Variants in QKI observed in about 807,000 individuals in gnomAD.
QKI encodes the protein KH domain-containing RNA-binding protein QKI.
A neutral mutation model predicts 39.0 loss-of-function variants in QKI; 10 were observed. The ratio of observed to expected loss-of-function variants is 0.26; its 90% CI spans 0.16 to 0.43. QKI has a LOEUF of 0.43. Among genes scored for constraint, QKI ranks in the 20% least tolerant of loss-of-function variants. The probability of loss-of-function intolerance (pLI) is 1.00; values close to 1 mark genes in which losing one functional copy is unlikely to be tolerated. For synonymous variants in QKI, 204 were observed against 155.4 expected, an observed-to-expected ratio of 1.31 and a Z score of -2.33; for missense variants, 218 against 428.0, an observed-to-expected ratio of 0.51 and a Z score of 4.33.
rs73784432 is a variant in QKI, at chr6:163,501,531, C to T, written c.402+22635C>T. Among the ~76,000 whole-genome samples, 540 of 152,238 alleles carry T rather than the reference C, an allele frequency of 3.5e-3. 4 individuals are homozygous for T. Among genetic ancestry groups the T allele is most frequent in the African/African-American group, 0.012 (484 of 41,554 alleles). On this transcript the variant is annotated intron_variant, in intron 3 of 7. Transcript: ENST00000361752. ...ATCTTACGGGGAGGAGGGAGAACCC[C>T]GTTCCATGCAAGCTAGCCTGAATAT...
intron 3 of QKI, among the ~76,000 whole-genome samples, chr6:163,523,227 G>T (rs527939501): frequency 1.3e-5 from 2 of 152,200 alleles, no homozygotes; most frequent in African/African-American, 2.4e-5. Flanking sequence ...CTCTCTTTCA[G>T]TGTTGCCTGA....
At chr6:163,441,413 C>T (rs572009718) in intron 1 of QKI, among the ~76,000 whole-genome samples, 15 of 152,204 alleles carry the variant, frequency 9.9e-5, no homozygotes, top group African/African-American at 3.1e-4. Context: ...TGGAGCTTTG[C>T]GTGTTTTTGT....
In QKI at chr6:163,512,827, A is replaced by G. The variant is rs1779564180; in HGVS notation, c.403-22155A>G. 2.6e-5 allele frequency among the ~76,000 whole-genome samples: 4 copies of G among 152,170 alleles called. No individual in the cohort carries two copies. The South Asian group carries it at 8.3e-4, about 32-fold the overall frequency. ...TCATAGTGGAATCGAGCTGGAAATTAAAAACTAAGAGTTGGCCATAAAGGA... is the reference window on the plus strand; with the variant it reads ...TCATAGTGGAATCGAGCTGGAAATTGAAAACTAAGAGTTGGCCATAAAGGA... On this transcript the variant is annotated intron_variant, in intron 3 of 7. Coordinates refer to ENST00000361752, the MANE Select transcript of QKI (RefSeq NM_006775.3).
rs942136050 is a variant in QKI, at chr6:163,421,803, G to A, written c.142+6468G>A. Among the ~76,000 whole-genome samples, 61 of 150,918 alleles carry A rather than the reference G, an allele frequency of 4.0e-4. 3 individuals carry two copies. Among genetic ancestry groups the A allele is most frequent in the Non-Finnish European group, 4.4e-5 (3 of 67,838 alleles). On this transcript the variant is annotated intron_variant, in intron 1 of 7. Transcript: ENST00000361752. ...TCTGTCACCCAGGCTGGAATGCAGT[G>A]GCGTGCTCTCGGCTCACTGCAACCT...
At position 163,536,877 on chromosome 6, in the gene QKI, C is replaced by G. The variant is rs114295315; in HGVS notation, c.546+1752C>G. Among the ~76,000 whole-genome samples, 417 of 152,238 alleles carry G rather than the reference C, an allele frequency of 2.7e-3. 3 individuals carry two copies. Among genetic ancestry groups the G allele is most frequent in the African/African-American group, 9.6e-3 (398 of 41,552 alleles). ...TCACTTCCTGGTTTTTGAATCCCAG[C>G]TTTGTGACTTTTAACTGTCTTCATT... is the stretch of plus-strand genomic sequence containing the variant. On this transcript the variant is annotated intron_variant, in intron 4 of 7. Coordinates refer to ENST00000361752, the MANE Select transcript of QKI (RefSeq NM_006775.3).
At position 163,576,724 on chromosome 6, in the gene QKI, A is replaced by G. The variant is rs1229482389; in HGVS notation, c.*6014A>G. Reference sequence around the variant, plus strand: ...CAACTGCAGCTGGAAAGTGCTGCTTATCCTCCACCCCCAGAAAATGCATGT... The same window carrying G: ...CAACTGCAGCTGGAAAGTGCTGCTTGTCCTCCACCCCCAGAAAATGCATGT... On this transcript the variant is annotated 3_prime_UTR_variant, in exon 8 of 8. Coordinates refer to ENST00000361752, the MANE Select transcript of QKI (RefSeq NM_006775.3). 1 of 152,186 alleles carries G rather than the reference A, an allele frequency of 6.6e-6. No individual in the cohort carries two copies. Among genetic ancestry groups the G allele is most frequent in the Non-Finnish European group, 1.5e-5 (1 of 68,032 alleles). The allele number at this position is 152,186 out of a possible 1,614,324, so 9.4% of individuals were successfully genotyped here. A position where few individuals can be genotyped will look rare whatever the true frequency, so the allele number is the denominator to read the frequency against.
At chr6:163,480,957 C>G (rs1168551168) in intron 3 of QKI, among the ~76,000 whole-genome samples, 4 of 152,176 alleles carry the variant, frequency 2.6e-5, no homozygotes, top group Admixed American at 1.3e-4. Context: ...TGGCCCCCCA[C>G]TCAACCTTGC....
At chr6:163,438,373 T>A (rs1789475747) in intron 1 of QKI, among the ~76,000 whole-genome samples, 1 of 152,192 alleles carries the variant, frequency 6.6e-6, no homozygotes, top group South Asian at 2.1e-4. Context: ...TATATACACA[T>A]ACACATAAAG....
intron 7 of QKI, chr6:163,568,526 G>A (rs553628922): frequency 8.0e-5 from 79 of 983,132 alleles, no homozygotes; most frequent in East Asian, 2.3e-4. Flanking sequence ...CAGAGTACTC[G>A]TATACTTATC....
At chr6:163,460,834 AC>A (rs1211929384) in intron 2 of QKI, among the ~76,000 whole-genome samples, 3 of 152,078 alleles carry the variant, frequency 2.0e-5, no homozygotes, top group Non-Finnish European at 4.4e-5. Context: ...CTTTTTCAAT[AC>A]CCAGGTTAAC....
At chr6:163,535,807 C>T (rs1339919229) in intron 4 of QKI, among the ~76,000 whole-genome samples, 1 of 152,148 alleles carries the variant, frequency 6.6e-6, no homozygotes, top group African/African-American at 2.4e-5. Context: ...TGGCAGGCAC[C>T]TGTAATCCCA....
chr6:163,457,074 A>G (rs767566128), intron 2 of QKI, among the ~76,000 whole-genome samples: 5 of 152,004 alleles, frequency 3.3e-5, no homozygotes, highest in Non-Finnish European at 7.4e-5. Flanking sequence ...AGCTGTTCCA[A>G]TTGGGGTCTA....
At chr6:163,416,425 GT>G (rs1186811885) in intron 1 of QKI, 9 of 157,644 alleles carry the variant, frequency 5.7e-5, no homozygotes, top group South Asian at 4.7e-4. Context: ...GAGTTTGTTT[GT>G]TTTTTTTTCC....
At chr6:163,489,424 CTGTGTGTGTGTGTGTGTG>C (rs66826538) in intron 3 of QKI, among the ~76,000 whole-genome samples, 10 of 148,942 alleles carry the variant, frequency 6.7e-5, no homozygotes, top group African/African-American at 2.5e-4. Flanking sequence ...AGAAGTTATG[CTGTGTGTGTGTGTGTGTG>C]TGTGTGTGTG....
At chr6:163,550,107 A>C (rs1290419278) in intron 4 of QKI, among the ~76,000 whole-genome samples, 1 of 152,206 alleles carries the variant, frequency 6.6e-6, no homozygotes, top group Non-Finnish European at 1.5e-5. Context: ...ACAATACCTG[A>C]AACTGGGTAA....
At chr6:163,530,742 A>G (rs1583171034) in intron 3 of QKI, among the ~76,000 whole-genome samples, 1 of 152,010 alleles carries the variant, frequency 6.6e-6, no homozygotes, top group African/African-American at 2.4e-5. Flanking sequence ...CTCTCTTCAC[A>G]CTGCACCCCC....
chr6:163,563,818 CAA>C (rs2128250796), intron 6 of QKI, 99 bp downstream of exon 6: 9 of 1,513,524 alleles, frequency 5.9e-6, no homozygotes, highest in Middle Eastern at 4.6e-4. Context: ...AGAGGCAAGA[CAA>C]GTTTGCATTA....
chr6:163,557,520 G>A (rs1166846444), intron 4 of QKI, among the ~76,000 whole-genome samples: 2 of 152,040 alleles, frequency 1.3e-5, no homozygotes, highest in Non-Finnish European at 2.9e-5. Flanking sequence ...TGGAGCGATG[G>A]TTCCAGAGGC....
In QKI at chr6:163,564,568, C is replaced by G. The variant is rs967249421; in HGVS notation, c.934+849C>G. ...GCAAATCACTGAATTCAGAATCTCA[C>G]TTAAGGCAGAAATTAAAATCATAAT... On this transcript the variant is annotated intron_variant, in intron 6 of 7. Coordinates refer to ENST00000361752, the MANE Select transcript of QKI (RefSeq NM_006775.3). 2.6e-5 allele frequency: 41 copies of G among 1,594,256 alleles called. No individual in the cohort carries two copies. In the Middle Eastern group the frequency reaches 5.1e-4, roughly 20 times the overall value.
Sources: allele counts gnomAD v4.1 joint callset (sites outside exome capture counted in the v4.1 genomes callset), GRCh38; gene constraint gnomAD v4.1.1; transcripts MANE v1.5; gene names NCBI Gene and HGNC (gene_info 2026-07-23, HGNC 2026-07-21).